Variants in HIVEP3 observed in about 807,000 individuals in gnomAD.
HIVEP3 encodes the protein transcription factor HIVEP3.
Under a neutral mutation model 152.8 loss-of-function variants are expected in HIVEP3, and 49 were observed. The ratio of observed to expected loss-of-function variants is 0.32; its 90% CI spans 0.26 to 0.41. The LOEUF is 0.41. Among genes scored for constraint, HIVEP3 ranks in the 10% least tolerant of loss-of-function variants. The pLI is 1.00. For missense variants in HIVEP3, 2,790 were observed against 3,103.3 expected (o/e 0.90, Z 2.40); for synonymous variants, 1,269 against 1,289.0 (o/e 0.98, Z 0.33).
At chr1:41,650,468 A>T (rs971115138) in intron 2 of HIVEP3, among the ~76,000 whole-genome samples, 2 of 152,068 alleles carry the variant, frequency 1.3e-5, no homozygotes, top group African/African-American at 4.8e-5. Flanking sequence ...ATATTTGTCA[A>T]GTATTATAAT....
At position 41,873,354 on chromosome 1, in the gene HIVEP3, C is replaced by T. The variant is rs1164736958; in HGVS notation, c.-801+45059G>A. Among the ~76,000 whole-genome samples the T allele has an allele frequency of 1.3e-5, 2 of 152,210 alleles. No homozygotes were observed. Among genetic ancestry groups the T allele is most frequent in the African/African-American group, 2.4e-5 (1 of 41,448 alleles). On this transcript the variant is annotated intron_variant, in intron 1 of 8. Transcript: ENST00000372583. This position sits in a 1 kb window ranked among gnomAD's most constrained non-coding sequence, Gnocchi z 4.2. ...GCCCCGGGGACATGCACTCAGCTGGCCCAGGCACCGATAACCTAGCATGTC... is the reference window on the plus strand; with the variant it reads ...GCCCCGGGGACATGCACTCAGCTGGTCCAGGCACCGATAACCTAGCATGTC...
chr1:41,753,761 G>T (rs1417965328), intron 1 of HIVEP3, among the ~76,000 whole-genome samples: 1 of 152,144 alleles, frequency 6.6e-6, no homozygotes, highest in African/African-American at 2.4e-5. Flanking sequence ...CTAGGTGGCC[G>T]TTCATTTTCA....
At chr1:41,723,314 TG>T (rs1646703940) in intron 1 of HIVEP3, among the ~76,000 whole-genome samples, 1 of 152,022 alleles carries the variant, frequency 6.6e-6, no homozygotes, top group Non-Finnish European at 1.5e-5. Flanking sequence ...ATCCCTTCCA[TG>T]GGGCCCCTCT....
At chr1:41,551,351 T>C (rs1045080505) in intron 5 of HIVEP3, among the ~76,000 whole-genome samples, 67 of 151,946 alleles carry the variant, frequency 4.4e-4, no homozygotes, top group African/African-American at 1.5e-3. Context: ...TTTTTTGTTG[T>C]GTCTCTTCCA....
At chr1:41,747,863 T>A (rs983936549) in intron 1 of HIVEP3, among the ~76,000 whole-genome samples, 1 of 152,198 alleles carries the variant, frequency 6.6e-6, no homozygotes, top group African/African-American at 2.4e-5. Flanking sequence ...ATTAAGAACA[T>A]GGATCAAAAG....
chr1:41,525,052 G>A (rs1642861035), intron 5 of HIVEP3, 142 bp from the exon 6 acceptor site: 3 of 761,564 alleles, frequency 3.9e-6, no homozygotes, highest in Non-Finnish European at 4.2e-6. Context: ...AGAGGACCAC[G>A]AGAGTGGGAG....
At position 41,584,004 on chromosome 1, in the gene HIVEP3, A is replaced by G. The variant is rs1282888180; in HGVS notation, c.794T>C (p.Met265Thr). 3.7e-6 allele frequency: 6 copies of G among 1,614,002 alleles called. No homozygotes were observed. In the South Asian group the frequency reaches 5.5e-5, roughly 15 times the overall value. ...AAACTCTTCCCCAGGGATCCGCTCC[A>G]TCTCCAGCCCATGTGGGTACATCTC... Reference protein sequence around the residue: ...GGEMYPHGLEMERIPGEEFEE... With the variant: ...GGEMYPHGLETERIPGEEFEE... Residue 265 changes from methionine (M) to threonine (T), a missense_variant, in exon 4 of 9, where the codon ATG (methionine) becomes ACG (threonine). Transcript: ENST00000372583. This position sits in a 1 kb window ranked among gnomAD's most constrained non-coding sequence, Gnocchi z 5.2.
At chr1:41,752,437 C>A (rs1323857610) in intron 1 of HIVEP3, among the ~76,000 whole-genome samples, 1 of 152,226 alleles carries the variant, frequency 6.6e-6, no homozygotes, top group African/African-American at 2.4e-5. Flanking sequence ...GGGAAGACTG[C>A]GGCTCTGACT....
rs577547704 is a variant in HIVEP3, at chr1:41,580,859, G to A, written c.3939C>T (p.Thr1313=). ...PPLALPACPD[T]MVSLVVPVRV... ...GGACAGGCACAACCAGGGACACCAT[G>A]GTGTCTGGACAGGCAGGCAGGGCCA... Residue 1313 remains threonine (T), a synonymous_variant, in exon 4 of 9, where the codon ACC becomes ACT. Transcript: ENST00000372583. 112 of 1,602,594 alleles carry A rather than the reference G, an allele frequency of 7.0e-5. No homozygotes were observed. The South Asian group carries it at 1.1e-3, about 16-fold the overall frequency.
chr1:41,656,450 C>G (rs542783318), intron 2 of HIVEP3, among the ~76,000 whole-genome samples: 2 of 152,314 alleles, frequency 1.3e-5, no homozygotes, highest in East Asian at 3.9e-4. Context: ...GGCCCCAATT[C>G]CTTTGTGGGC....
intron 1 of HIVEP3, among the ~76,000 whole-genome samples, chr1:41,746,997 G>A (rs572333902): frequency 6.6e-6 from 1 of 152,248 alleles, no homozygotes; most frequent in South Asian, 2.1e-4. Context: ...CCATGGGTCA[G>A]GGAGCATGAA....
intron 5 of HIVEP3, among the ~76,000 whole-genome samples, chr1:41,572,057 CT>C (rs1364864830): frequency 4.6e-5 from 7 of 152,150 alleles, no homozygotes; most frequent in Admixed American, 2.0e-4. Flanking sequence ...TGTTAAGGTT[CT>C]GAGTGTGAAG....
At chr1:41,770,922 C>T (rs1400378857) in intron 1 of HIVEP3, among the ~76,000 whole-genome samples, 1 of 152,034 alleles carries the variant, frequency 6.6e-6, no homozygotes, top group Non-Finnish European at 1.5e-5. Context: ...GTGAAAGGTA[C>T]ACCAGAACTC....
At chr1:41,995,828 C>T (rs1230271309) in intron 1 of HIVEP3, among the ~76,000 whole-genome samples, 1 of 152,014 alleles carries the variant, frequency 6.6e-6, no homozygotes, top group Non-Finnish European at 1.5e-5. Flanking sequence ...TCTCTTTTTC[C>T]TTCAGCTCCA....
chr1:41,755,608 CA>C (rs35879725), intron 1 of HIVEP3, among the ~76,000 whole-genome samples: 13,352 of 143,296 alleles, frequency 0.093, 1,077 homozygotes, highest in African/African-American at 0.23. Context: ...ACACAGCAGT[CA>C]AAAAAAAAAA....
intron 5 of HIVEP3, among the ~76,000 whole-genome samples, chr1:41,536,260 A>G (rs72951380): frequency 0.016 from 2,408 of 152,208 alleles, 68 homozygotes; most frequent in African/African-American, 0.055. Flanking sequence ...TTCTAGTAGT[A>G]GGTAGTAGGT....
chr1:41,681,915 TGG>T (rs1646045673), intron 2 of HIVEP3, among the ~76,000 whole-genome samples: 2 of 152,204 alleles, frequency 1.3e-5, no homozygotes, highest in African/African-American at 2.4e-5. Flanking sequence ...CCTCTGGGAA[TGG>T]TGAAGCCCTG....
Position 41,511,506 on chromosome 1 carries a change from T to C in HIVEP3, c.6406-240A>G, listed in dbSNP as rs536963772. ...CCATGAGTATGCTCAGGCCCCATGG[T>C]CTCCATGCCTCTAGCCAGCATATCT... On this transcript the variant is annotated intron_variant, in intron 8 of 8. Coordinates refer to ENST00000372583, the MANE Select transcript of HIVEP3 (RefSeq NM_024503.5). This position sits in a 1 kb window ranked among gnomAD's most constrained non-coding sequence, Gnocchi z 4.9. Among the ~76,000 whole-genome samples, 1 of 152,186 alleles carries C rather than the reference T, an allele frequency of 6.6e-6. No homozygotes were observed. The highest frequency in any genetic ancestry group is 1.9e-4 in the East Asian group (1 of 5,156).
At chr1:42,014,307 G>T (rs918453983) in intron 1 of HIVEP3, among the ~76,000 whole-genome samples, 6 of 152,016 alleles carry the variant, frequency 3.9e-5, no homozygotes, top group African/African-American at 1.5e-4. Context: ...GAGAAAGAAG[G>T]GACCAAAGGC....
Sources: allele counts gnomAD v4.1 joint callset (sites outside exome capture counted in the v4.1 genomes callset), GRCh38; gene constraint gnomAD v4.1.1; non-coding constraint Gnocchi (gnomAD v3.1); transcripts MANE v1.5; gene names NCBI Gene and HGNC (gene_info 2026-07-23, HGNC 2026-07-21).